SOCS7: variants seen among roughly 807,000 people sequenced by gnomAD.
SOCS7 encodes NAP-4.
A neutral mutation model predicts 58.9 loss-of-function variants in SOCS7; 18 were observed. That is an observed-to-expected ratio of 0.31 (90% CI 0.21 to 0.45). The LOEUF (loss-of-function observed/expected upper bound fraction) is 0.45. SOCS7 is among the 20% of genes least tolerant of loss of function. The probability of loss-of-function intolerance (pLI) is 1.00; values close to 1 mark genes in which losing one functional copy is unlikely to be tolerated. For synonymous variants in SOCS7, 388 were observed against 364.3 expected (o/e 1.06, Z -0.74); for missense variants, 667 against 837.3 (o/e 0.80, Z 2.51).
chr17:38,369,262 C>G (rs1437821780), intron 6 of SOCS7, among the ~76,000 whole-genome samples: 1 of 152,222 alleles, frequency 6.6e-6, no homozygotes, highest in Non-Finnish European at 1.5e-5. Flanking sequence ...TCTGTCCTGC[C>G]TCTTCTCAGG....
In SOCS7 at chr17:38,387,123, A is replaced by G. The variant is rs1471620555; in HGVS notation, c.1682-8186A>G. Among the ~76,000 whole-genome samples the G allele has an allele frequency of 1.5e-4, 16 of 105,708 alleles. 1 individual carries two copies. Among genetic ancestry groups the G allele is most frequent in the African/African-American group, 6.6e-4 (14 of 21,262 alleles). The allele number at this position is 105,708 out of a possible 152,430, so 69.3% of individuals were successfully genotyped here. On this transcript the variant is annotated intron_variant, in intron 7 of 9. Transcript: ENST00000612932. The stretch of plus-strand genomic sequence containing the variant: ...AAAAAATATATATATATATATATAT[A>G]TATATGTATGTATATATATATATAT...
At chr17:38,365,287 T>G (rs1555568131) in intron 3 of SOCS7, 21 bp from the exon 4 acceptor site, 1 of 1,573,736 alleles carries the variant, frequency 6.4e-7, no homozygotes, top group Non-Finnish European at 8.7e-7. Context: ...CTGAACCTCT[T>G]GCTTTTGTTC....
chr17:38,380,353 G>C (rs2037984925), intron 7 of SOCS7, among the ~76,000 whole-genome samples: 1 of 152,046 alleles, frequency 6.6e-6, no homozygotes, highest in Non-Finnish European at 1.5e-5. Context: ...TAATATGGCT[G>C]GGCTCGGTGG....
At chr17:38,384,467 AT>A (rs1351404208) in intron 7 of SOCS7, among the ~76,000 whole-genome samples, 1 of 151,504 alleles carries the variant, frequency 6.6e-6, no homozygotes, top group Non-Finnish European at 1.5e-5. Flanking sequence ...TAATTTTTCA[AT>A]TTTTTTGTTG....
chr17:38,358,880 A>G (rs2037676026), intron 1 of SOCS7, among the ~76,000 whole-genome samples: 1 of 152,050 alleles, frequency 6.6e-6, no homozygotes, highest in Non-Finnish European at 1.5e-5. Context: ...CCTAGAAACT[A>G]TGATTTTTCT....
In SOCS7 at chr17:38,351,950, C is replaced by T. The variant is rs2037557727; in HGVS notation, c.-103C>T. Among the ~76,000 whole-genome samples, 1 of 151,320 alleles carries T rather than the reference C, an allele frequency of 6.6e-6. No homozygotes were observed. The highest frequency in any genetic ancestry group is 1.5e-5 in the Non-Finnish European group (1 of 67,754). ...AGGCAGAGGCCGCGGCGGCCGTTAG[C>T]GCTGTCGCTCCGGGGGCCGCGGCGG... On this transcript the variant is annotated 5_prime_UTR_variant, in exon 1 of 10. Transcript: ENST00000612932.
At chr17:38,373,539 C>A (rs1409987071) in intron 6 of SOCS7, among the ~76,000 whole-genome samples, 1 of 152,214 alleles carries the variant, frequency 6.6e-6, no homozygotes, top group Non-Finnish European at 1.5e-5. Flanking sequence ...GGTTAATAAT[C>A]AGGACTACCT....
In SOCS7 at chr17:38,402,403, C is replaced by A. The variant is rs1043890001; in HGVS notation, c.*2921C>A. The A allele has an allele frequency of 6.6e-6, 1 of 152,366 alleles. No homozygotes were observed. Among genetic ancestry groups the A allele is most frequent in the Admixed American group, 6.5e-5 (1 of 15,278 alleles). The allele number at this position is 152,366 out of a possible 1,614,324, so 9.4% of individuals were successfully genotyped here. A position where few individuals can be genotyped will look rare whatever the true frequency, so the allele number is the denominator to read the frequency against. ...TTCACCTCCCTGACCAGGCCCGTCC[C>A]TCCTTCGCCAGTGCTGTGCAGAGCT... is the stretch of plus-strand genomic sequence containing the variant. On this transcript the variant is annotated 3_prime_UTR_variant, in exon 10 of 10. Coordinates refer to ENST00000612932, the MANE Select transcript of SOCS7 (RefSeq NM_014598.4).
chr17:38,390,342 A>T (rs2038154010), intron 7 of SOCS7, among the ~76,000 whole-genome samples: 1 of 152,046 alleles, frequency 6.6e-6, no homozygotes, highest in Non-Finnish European at 1.5e-5. Context: ...TGAGATGGAA[A>T]AGTGTGAGTC....
chr17:38,399,154 C>T (rs1310686117), intron 9 of SOCS7, among the ~76,000 whole-genome samples: 1 of 151,530 alleles, frequency 6.6e-6, no homozygotes, highest in Admixed American at 6.6e-5. Context: ...AAAGGGGTTA[C>T]TCCAGGGGCT....
At chr17:38,368,084 C>T (rs769706559) in intron 6 of SOCS7, 34 bp downstream of exon 6, 2 of 1,546,414 alleles carry the variant, frequency 1.3e-6, no homozygotes, top group Non-Finnish European at 1.8e-6. Flanking sequence ...CTTCTTCCCC[C>T]CTTGATTTGC....
intron 7 of SOCS7, among the ~76,000 whole-genome samples, chr17:38,390,490 G>A (rs974453689): frequency 6.6e-6 from 1 of 152,130 alleles, no homozygotes; most frequent in Non-Finnish European, 1.5e-5. Context: ...CAAGAGTGTG[G>A]AGTTGAGTCA....
chr17:38,371,366 T>C (rs1209699326), intron 6 of SOCS7, among the ~76,000 whole-genome samples: 2 of 151,814 alleles, frequency 1.3e-5, no homozygotes, highest in African/African-American at 4.8e-5. Context: ...GCTCTGCCTT[T>C]TGGGTTCAGG....
intron 7 of SOCS7, among the ~76,000 whole-genome samples, chr17:38,388,733 C>T (rs577611990): frequency 2.6e-5 from 4 of 152,298 alleles, no homozygotes; most frequent in Admixed American, 1.3e-4. Flanking sequence ...GTACATTTCA[C>T]ATAAATGGAA....
intron 1 of SOCS7, among the ~76,000 whole-genome samples, chr17:38,359,621 GAGTTT>G (rs899517697): frequency 2.0e-5 from 3 of 152,034 alleles, no homozygotes; most frequent in African/African-American, 7.2e-5. Context: ...TAGTTGAAAA[GAGTTT>G]AAGTTCTATT....
In SOCS7 at chr17:38,389,001, G is replaced by T. The variant is rs140564524; in HGVS notation, c.1682-6308G>T. On this transcript the variant is annotated intron_variant, in intron 7 of 9. Coordinates refer to ENST00000612932, the MANE Select transcript of SOCS7 (RefSeq NM_014598.4). ...TCAATTCTCTTGGATATATTCCTAGGCGTGAAATTGCTGGGTCATATGGTA... is the reference window on the plus strand; with the variant it reads ...TCAATTCTCTTGGATATATTCCTAGTCGTGAAATTGCTGGGTCATATGGTA... 7.2e-4 allele frequency among the ~76,000 whole-genome samples: 109 copies of T among 152,128 alleles called. 1 individual carries two copies. In the East Asian group the frequency reaches 0.02, roughly 28 times the overall value.
At position 38,379,743 on chromosome 17, in the gene SOCS7, A is replaced by G. The variant is rs144063111; in HGVS notation, c.1681+1901A>G. On this transcript the variant is annotated intron_variant, in intron 7 of 9. Coordinates refer to ENST00000612932, the MANE Select transcript of SOCS7 (RefSeq NM_014598.4). ...AGTTTTGCCTCAGTGCTGTCAACAC[A>G]GTTGGGTCTTGTGCAGTTGACTTGC... Among the ~76,000 whole-genome samples the G allele has an allele frequency of 3.8e-4, 58 of 152,262 alleles. 1 individual carries two copies. The East Asian group carries it at 7.9e-3, about 21-fold the overall frequency.
At chr17:38,360,851 AT>A (rs1359832968) in intron 1 of SOCS7, among the ~76,000 whole-genome samples, 7 of 152,144 alleles carry the variant, frequency 4.6e-5, no homozygotes, top group African/African-American at 1.7e-4. Context: ...CATATAACAT[AT>A]TTCTATTACC....
intron 6 of SOCS7, among the ~76,000 whole-genome samples, chr17:38,376,593 G>T (rs532138459): frequency 2.0e-5 from 3 of 151,972 alleles, no homozygotes; most frequent in Non-Finnish European, 1.5e-5. Context: ...TTAGCCAGGC[G>T]TGGTGGCAGG....
Sources: allele counts gnomAD v4.1 joint callset (sites outside exome capture counted in the v4.1 genomes callset), GRCh38; gene constraint gnomAD v4.1.1; transcripts MANE v1.5; gene names NCBI Gene and HGNC (gene_info 2026-07-23, HGNC 2026-07-21).